CX3CR1: variants seen among roughly 807,000 people sequenced by gnomAD.
CX3CR1 encodes the protein C-X3-C motif chemokine receptor 1.
For missense variants in CX3CR1, 363 were observed against 432.4 expected (o/e 0.84, Z 1.42); for synonymous variants, 168 against 178.5 (o/e 0.94, Z 0.47).
intron 1 of CX3CR1, among the ~76,000 whole-genome samples, chr3:39,277,292 C>A (rs138699784): frequency 1.7e-3 from 266 of 152,316 alleles, no homozygotes; most frequent in African/African-American, 4.3e-3. Flanking sequence ...CTCAAGAGGG[C>A]AGGTGGGATC....
intron 1 of CX3CR1, among the ~76,000 whole-genome samples, chr3:39,279,472 C>A (rs1294062134): frequency 6.6e-6 from 1 of 152,190 alleles, no homozygotes; most frequent in East Asian, 1.9e-4. Context: ...ATACCCAACA[C>A]CTGGCTTCAA....
upstream of CX3CR1, chr3:39,281,773 C>T: frequency 9.3e-7 from 1 of 1,074,864 alleles, no homozygotes; most frequent in Non-Finnish European, 1.4e-6. Context: ...CTTCCACTTC[C>T]CCCAACATGC....
chr3:39,282,277 G>A (rs375942989), upstream of CX3CR1, among the ~76,000 whole-genome samples: 18 of 152,198 alleles, frequency 1.2e-4, no homozygotes, highest in East Asian at 2.1e-3. Context: ...CTGGCTCAGC[G>A]CTGGGAATTC....
chr3:39,290,044 T>C, the CX3CR1 span, among the ~76,000 whole-genome samples: 4 of 152,240 alleles, frequency 2.6e-5, no homozygotes, highest in African/African-American at 9.6e-5. Flanking sequence ...TCTCATAGTT[T>C]GTGGGCTGAA....
Position 39,269,010 on chromosome 3 carries a change from AT to A in CX3CR1, c.-9-2493del, listed in dbSNP as rs374201397. ...GAATTTGGTCTTTAAAGGTCACTTT[AT>A]TTTTTTTTCCCCCTGAAATAAGACA... On this transcript the variant is annotated intron_variant, in intron 1 of 1. Coordinates refer to ENST00000399220, the MANE Select transcript of CX3CR1 (RefSeq NM_001337.4). 8.9e-3 allele frequency among the ~76,000 whole-genome samples: 1,340 copies of A among 151,342 alleles called. 20 individuals carry two copies. The highest frequency in any genetic ancestry group is 0.028 in the African/African-American group (1,153 of 41,276).
At position 39,265,499 on chromosome 3, in the gene CX3CR1, A is replaced by C. The variant is rs986172990; in HGVS notation, c.1011T>G (p.Val337=). Reference sequence around the variant, plus strand: ...TGTGGTAAGTAAAATTGCTGCTCAGAACACTTCCATGCCTGCTCCTTTGTG... The same window carrying C: ...TGTGGTAAGTAAAATTGCTGCTCAGCACACTTCCATGCCTGCTCCTTTGTG... ...SESQRSRHGS[V]LSSNFTYHTS... is the part of the protein sequence containing the mutation. Residue 337 remains valine, a synonymous_variant, in exon 2 of 2, where the codon GTT becomes GTG. Coordinates refer to ENST00000399220, the MANE Select transcript of CX3CR1 (RefSeq NM_001337.4). 1.9e-6 allele frequency: 3 copies of C among 1,614,206 alleles called. No homozygotes were observed. The highest frequency in any genetic ancestry group is 3.3e-4 in the Middle Eastern group (2 of 6,062).
intron 1 of CX3CR1, among the ~76,000 whole-genome samples, chr3:39,276,428 T>C (rs2040841798): frequency 6.6e-6 from 1 of 152,224 alleles, no homozygotes; most frequent in Non-Finnish European, 1.5e-5. Flanking sequence ...TGACTCTTGC[T>C]CATGGAAATA....
At chr3:39,277,005 C>A (rs1324792820) in intron 1 of CX3CR1, among the ~76,000 whole-genome samples, 1 of 152,094 alleles carries the variant, frequency 6.6e-6, no homozygotes, top group East Asian at 1.9e-4. Flanking sequence ...TAATACTTTG[C>A]TAACCCAGAC....
the CX3CR1 span, among the ~76,000 whole-genome samples, chr3:39,289,011 A>G: frequency 0.017 from 2,586 of 152,156 alleles, 69 homozygotes; most frequent in African/African-American, 0.058. Context: ...AAAATTAGCC[A>G]GGCATGGTGG....
chr3:39,266,813 C>T (rs1001903345), intron 1 of CX3CR1, among the ~76,000 whole-genome samples: 3 of 151,540 alleles, frequency 2.0e-5, no homozygotes, highest in Non-Finnish European at 4.4e-5. Context: ...AATGGAGTCT[C>T]GCTGTGTCAC....
At chr3:39,281,051 G>A (rs56156211), upstream of CX3CR1, 11,219 of 987,176 alleles carry the variant, frequency 0.011, 67 homozygotes, top group South Asian at 0.023. Flanking sequence ...ACCTCTAGTC[G>A]CTGTGGTGTT....
intron 1 of CX3CR1, chr3:39,266,788 ATT>A (rs200620288): frequency 6.9e-3 from 3,383 of 492,964 alleles, no homozygotes; most frequent in South Asian, 0.01. Context: ...GGCTCTAGGC[ATT>A]TTTTTTTTTT....
chr3:39,266,294 G>A lies in CX3CR1; in HGVS notation c.216C>T (p.Asn72=), dbSNP rs1575206214. 6.2e-7 allele frequency: 1 copy of A among 1,614,216 alleles called. No homozygotes were observed. Among genetic ancestry groups the A allele is most frequent in the Non-Finnish European group, 8.5e-7 (1 of 1,180,044 alleles). Residue 72 remains asparagine (N), a synonymous_variant, in exon 2 of 2, where the codon AAC becomes AAT. Coordinates refer to ENST00000399220, the MANE Select transcript of CX3CR1 (RefSeq NM_001337.4). ...CAAACAGCAGATCAGACAAGGCCAG[G>A]TTCAGGAGGTAAATGTCGGTGACAC... is the stretch of plus-strand genomic sequence containing the variant. ...PKSVTDIYLL[N]LALSDLLFVA...
chr3:39,278,766 G>A (rs56287997), intron 1 of CX3CR1, among the ~76,000 whole-genome samples: 3,651 of 149,886 alleles, frequency 0.024, 130 homozygotes, highest in African/African-American at 0.085. Flanking sequence ...GCTCTGTGAG[G>A]CTGTGATTGC....
intron 1 of CX3CR1, among the ~76,000 whole-genome samples, chr3:39,273,965 G>A (rs1264360051): frequency 6.6e-6 from 1 of 152,180 alleles, no homozygotes; most frequent in Non-Finnish European, 1.5e-5. Context: ...TGAGTCCTAG[G>A]TCAGCAAAAG....
At chr3:39,277,235 G>A (rs1346470095) in intron 1 of CX3CR1, among the ~76,000 whole-genome samples, 1 of 152,188 alleles carries the variant, frequency 6.6e-6, no homozygotes, top group Non-Finnish European at 1.5e-5. Flanking sequence ...TGTGGCCAGC[G>A]TGCCGTGAGA....
intron 1 of CX3CR1, among the ~76,000 whole-genome samples, chr3:39,275,719 AAAG>A (rs1315901061): frequency 6.6e-6 from 1 of 152,200 alleles, no homozygotes; most frequent in East Asian, 1.9e-4. Flanking sequence ...CTCTGTGTTG[AAAG>A]AAGACTTTGT....
chr3:39,268,637 C>T (rs1028315430), intron 1 of CX3CR1, among the ~76,000 whole-genome samples: 2 of 152,164 alleles, frequency 1.3e-5, no homozygotes, highest in South Asian at 4.1e-4. Flanking sequence ...AAAATTGTCT[C>T]GCATCTCTTT....
the CX3CR1 span, among the ~76,000 whole-genome samples, chr3:39,288,802 G>T: frequency 2.6e-4 from 39 of 152,310 alleles, no homozygotes; most frequent in Non-Finnish European, 5.1e-4. Context: ...TTCAAATCCT[G>T]ACCCTGCTAC....
Sources: gnomAD v4.1 joint callset for allele counts (sites outside exome capture counted in the v4.1 genomes callset) on GRCh38, gnomAD v4.1.1 for gene constraint, MANE v1.5 for transcripts, NCBI Gene and HGNC (gene_info 2026-07-23, HGNC 2026-07-21) for gene names.